Variants in COL19A1 observed in about 807,000 individuals in gnomAD.
COL19A1 encodes the protein collagen type XIX alpha 1 chain, also known as collagen alpha-1(XIX) chain.
In COL19A1, 159 loss-of-function variants were observed where a neutral mutation model predicts 190.2. That is an observed-to-expected ratio of 0.84 (90% CI 0.73 to 0.95). The LOEUF (loss-of-function observed/expected upper bound fraction) is 0.95, where lower values mean the gene tolerates loss of function less well. COL19A1 is among the 40% of genes least tolerant of loss of function. The probability of loss-of-function intolerance (pLI) is 0.00; values close to 1 mark genes in which losing one functional copy is unlikely to be tolerated. For missense variants in COL19A1, 1,418 were observed against 1,431.9 expected, an observed-to-expected ratio of 0.99 and a Z score of 0.16; for synonymous variants, 509 against 458.9, an observed-to-expected ratio of 1.11 and a Z score of -1.39.
chr6:70,016,390 GAAA>G (rs1399901785), intron 11 of COL19A1, among the ~76,000 whole-genome samples: 1 of 95,714 alleles, frequency 1.0e-5, no homozygotes, highest in Non-Finnish European at 1.9e-5. Context: ...AAAAACACAT[GAAA>G]AAAAAAAAAC....
intron 14 of COL19A1, among the ~76,000 whole-genome samples, chr6:70,055,265 G>A (rs1780426728): frequency 6.6e-6 from 1 of 151,994 alleles, no homozygotes; most frequent in Non-Finnish European, 1.5e-5. Context: ...TACATTTTAG[G>A]GCAAGTAGGT....
rs140192576 is a variant in COL19A1 at position 69,938,088 on chromosome 6, T to G, written c.924T>G (p.His308Gln). 359 of 1,612,582 alleles carry G rather than the reference T, an allele frequency of 2.2e-4. No homozygotes were observed. The highest frequency in any genetic ancestry group is 8.9e-4 in the Admixed American group (53 of 59,844). ...GAPGSPGQKG[H>Q]KGEPGENGLH... ...CGGGTTCACCTGGGCAGAAAGGGCA[T>G]AAAGGAGAGCCGGTAAGAAAAAAAC... The change falls in exon 9 of 51, where the codon CAT (histidine) becomes CAG (glutamine). Residue 308 changes from histidine to glutamine, a missense_variant. Coordinates refer to ENST00000620364, the MANE Select transcript of COL19A1 (RefSeq NM_001858.6).
At chr6:70,135,025 C>G (rs900751245) in intron 18 of COL19A1, among the ~76,000 whole-genome samples, 1 of 152,158 alleles carries the variant, frequency 6.6e-6, no homozygotes, top group African/African-American at 2.4e-5. Flanking sequence ...CTTATGACCC[C>G]GTCCGCGGCA....
chr6:70,202,028 A>C (rs939661110), intron 49 of COL19A1, among the ~76,000 whole-genome samples: 15 of 152,214 alleles, frequency 9.9e-5, no homozygotes, highest in African/African-American at 3.6e-4. Context: ...GGAAAGAAAA[A>C]AATGCATTTA....
intron 35 of COL19A1, among the ~76,000 whole-genome samples, chr6:70,162,697 T>C (rs539412574): frequency 4.0e-4 from 61 of 151,736 alleles, no homozygotes; most frequent in Non-Finnish European, 6.3e-4. Flanking sequence ...CCTATGCCAA[T>C]AGAGTCTTTA....
chr6:69,987,041 C>G (rs1269206429), intron 11 of COL19A1, among the ~76,000 whole-genome samples: 1 of 152,182 alleles, frequency 6.6e-6, no homozygotes, highest in Non-Finnish European at 1.5e-5. Flanking sequence ...CCACCTCAGC[C>G]TCCCGAGTAG....
intron 16 of COL19A1, among the ~76,000 whole-genome samples, chr6:70,118,100 T>C (rs1784683066): frequency 6.6e-6 from 1 of 152,186 alleles, no homozygotes; most frequent in African/African-American, 2.4e-5. Flanking sequence ...TTACCACAAG[T>C]CTTTAACTTC....
chr6:70,196,648 A>T (rs1233262208), intron 48 of COL19A1, among the ~76,000 whole-genome samples: 1 of 152,192 alleles, frequency 6.6e-6, no homozygotes, highest in Admixed American at 6.5e-5. Flanking sequence ...TCTCCAAGGA[A>T]GCCAAGCCTT....
intron 16 of COL19A1, among the ~76,000 whole-genome samples, chr6:70,117,238 T>G (rs908197319): frequency 6.6e-6 from 1 of 152,164 alleles, no homozygotes; most frequent in South Asian, 2.1e-4. Flanking sequence ...AATATTGCTC[T>G]TTAGGCTAAG....
At chr6:69,926,653 C>G (rs1772417198) in intron 4 of COL19A1, among the ~76,000 whole-genome samples, 1 of 151,958 alleles carries the variant, frequency 6.6e-6, no homozygotes, top group South Asian at 2.1e-4. Flanking sequence ...TACCAGCAAG[C>G]ATGCATAATA....
At chr6:69,948,681 C>T (rs993698189) in intron 9 of COL19A1, among the ~76,000 whole-genome samples, 1 of 151,688 alleles carries the variant, frequency 6.6e-6, no homozygotes, top group African/African-American at 2.4e-5. Context: ...TTTAGGGCAA[C>T]GTGAAGGAAC....
chr6:70,005,072 TGTGC>T, intron 11 of COL19A1, among the ~76,000 whole-genome samples: 1 of 152,146 alleles, frequency 6.6e-6, no homozygotes, highest in Non-Finnish European at 1.5e-5. Flanking sequence ...AACTTCATGA[TGTGC>T]CCGCCTTGGC....
intron 1 of COL19A1, among the ~76,000 whole-genome samples, chr6:69,875,510 G>A (rs1402496792): frequency 6.6e-6 from 1 of 152,182 alleles, no homozygotes; most frequent in African/African-American, 2.4e-5. Context: ...CTAGACCAGG[G>A]TGATCTGAAC....
chr6:69,973,879 A>G (rs1383483919), intron 11 of COL19A1: 1 of 152,244 alleles, frequency 6.6e-6, no homozygotes, highest in Non-Finnish European at 1.5e-5. Context: ...TCAATGTAAA[A>G]GCAATTCACT....
At chr6:69,924,650 G>A (rs1430805445) in intron 4 of COL19A1, among the ~76,000 whole-genome samples, 2 of 152,148 alleles carry the variant, frequency 1.3e-5, no homozygotes, top group Non-Finnish European at 2.9e-5. Flanking sequence ...AGATCCCTGA[G>A]GAATCGCCAC....
At chr6:69,965,767 C>T (rs1314409966) in intron 11 of COL19A1, among the ~76,000 whole-genome samples, 1 of 152,094 alleles carries the variant, frequency 6.6e-6, no homozygotes, top group Non-Finnish European at 1.5e-5. Context: ...ATCATGTAGA[C>T]CTATAGGAAT....
intron 38 of COL19A1, 37 bp from the exon 39 acceptor site, chr6:70,168,134 C>T: frequency 6.2e-7 from 1 of 1,608,408 alleles, no homozygotes. Context: ...TTCGTCTCAT[C>T]TTTCTCTTTT....
intron 48 of COL19A1, among the ~76,000 whole-genome samples, chr6:70,191,895 G>T (rs1766896703): frequency 6.6e-6 from 1 of 152,120 alleles, no homozygotes. Flanking sequence ...TCTCCAAGGA[G>T]TCTTGATTAT....
rs1314646983 is a variant in COL19A1 at position 70,190,300 on chromosome 6, T to C, written c.3028-15T>C. On this transcript the variant is annotated splice_polypyrimidine_tract_variant and intron_variant, in intron 47 of 50. Transcript: ENST00000620364. ...CTATGCTCTATTTTAACAACCTTTT[T>C]TTTTCCTTCTTCAGGCTGATGCAGT... 1 of 1,585,214 alleles carries C rather than the reference T, an allele frequency of 6.3e-7. No individual in the cohort carries two copies. The highest frequency in any genetic ancestry group is 2.2e-5 in the East Asian group (1 of 44,654).
Sources: allele counts gnomAD v4.1 joint callset (sites outside exome capture counted in the v4.1 genomes callset), GRCh38; gene constraint gnomAD v4.1.1; transcripts MANE v1.5; gene names NCBI Gene and HGNC (gene_info 2026-07-23, HGNC 2026-07-21).